Variants in ITPKB observed in about 807,000 individuals in gnomAD.
ITPKB encodes IP3 3-kinase B.
ITPKB carries 13 observed loss-of-function variants against 69.4 expected under a neutral mutation model. That is an observed-to-expected ratio of 0.19 (90% CI 0.12 to 0.30). The LOEUF (loss-of-function observed/expected upper bound fraction) is 0.30. ITPKB is among the 10% of genes least tolerant of loss of function. The pLI is 1.00. For missense variants in ITPKB, 1,240 were observed against 1,250.5 expected (o/e 0.99, Z 0.13); for synonymous variants, 584 against 513.7 (o/e 1.14, Z -1.85).
chr1:226,726,919 C>A (rs928785365), intron 2 of ITPKB, among the ~76,000 whole-genome samples: 1 of 152,164 alleles, frequency 6.6e-6, no homozygotes, highest in African/African-American at 2.4e-5. Context: ...CCAACAAAAT[C>A]TCTTAGCCAT....
chr1:226,636,451 A>G (rs1254584359), intron 7 of ITPKB, among the ~76,000 whole-genome samples: 1 of 152,212 alleles, frequency 6.6e-6, no homozygotes, highest in Non-Finnish European at 1.5e-5. Flanking sequence ...TGACATGCAG[A>G]GCAAGGTAGA....
chr1:226,718,461 G>A (rs1002140622), intron 2 of ITPKB, among the ~76,000 whole-genome samples: 5 of 151,998 alleles, frequency 3.3e-5, no homozygotes, highest in African/African-American at 1.2e-4. Flanking sequence ...TGGGCATGGT[G>A]CTGCATACCT....
chr1:226,700,058 G>T (rs1300649025), intron 2 of ITPKB, among the ~76,000 whole-genome samples: 1 of 152,126 alleles, frequency 6.6e-6, no homozygotes. Flanking sequence ...TTTTCTATCT[G>T]CACTCGCAGC....
At position 226,637,724 on chromosome 1, in the gene ITPKB, G is replaced by T; in HGVS notation, c.2580C>A (p.Ala860=). The T allele has an allele frequency of 6.2e-7, 1 of 1,614,040 alleles. No individual in the cohort carries two copies. The change falls in exon 7 of 8, where the codon GCC becomes GCA. Residue 860 remains alanine (A), a synonymous_variant. Transcript: ENST00000429204. This position sits in a 1 kb window ranked among gnomAD's most constrained non-coding sequence, Gnocchi z 4.3. ...ILIAYRDRLK[A]IRTTLEVSPF... ...GAGAAACTTCTAGAGTGGTTCGAAT[G>T]GCCTTCAGCCGGTCCCGATAGGCGA...
chr1:226,707,096 G>A lies in ITPKB; in HGVS notation c.1932+28431C>T, dbSNP rs1039482949. On this transcript the variant is annotated intron_variant, in intron 2 of 7. Transcript: ENST00000429204. ...ATATGGGCTCTATTTCCAGGCCAGC[G>A]CAATTAAGAACAATTTCACAAGGAA... 1.8e-5 allele frequency: 15 copies of A among 819,050 alleles called. No homozygotes were observed. In the Admixed American group the frequency reaches 1.9e-4, roughly 10 times the overall value. 50.7% of individuals were successfully genotyped at this position (819,050 alleles called of 1,614,324 possible).
At chr1:226,668,886 G>C (rs537744233) in intron 2 of ITPKB, 29 of 152,192 alleles carry the variant, frequency 1.9e-4, no homozygotes, top group African/African-American at 6.7e-4. Flanking sequence ...ATTCATTACT[G>C]CTACAGACCA....
At chr1:226,725,180 A>C (rs1657370665) in intron 2 of ITPKB, among the ~76,000 whole-genome samples, 2 of 152,228 alleles carry the variant, frequency 1.3e-5, no homozygotes, top group African/African-American at 4.8e-5. Context: ...ACAAATTTCC[A>C]ATATGTCTAT....
In ITPKB at chr1:226,634,416, AC is replaced by A. The variant is rs1668785489; in HGVS notation, c.*254del. Reference sequence around the variant, plus strand: ...AGCCAGGGACCCCCTCCAGCTCTACACCTGACCCACCTCTAAGACTGGGCAT... The same window carrying A: ...AGCCAGGGACCCCCTCCAGCTCTACACTGACCCACCTCTAAGACTGGGCAT... On this transcript the variant is annotated 3_prime_UTR_variant, in exon 8 of 8. Transcript: ENST00000429204. The surrounding 1 kb of genome is among the most constrained non-coding windows in gnomAD (Gnocchi z 6.3). 2.0e-6 allele frequency: 1 copy of A among 495,650 alleles called. No homozygotes were observed. The highest frequency in any genetic ancestry group is 1.9e-5 in the African/African-American group (1 of 51,570). 30.7% of individuals were successfully genotyped at this position (495,650 alleles called of 1,614,324 possible). A position where few individuals can be genotyped will look rare whatever the true frequency, so the allele number is the denominator to read the frequency against.
chr1:226,702,489 T>G (rs1454207186), intron 2 of ITPKB, among the ~76,000 whole-genome samples: 1 of 152,038 alleles, frequency 6.6e-6, no homozygotes, highest in Non-Finnish European at 1.5e-5. Flanking sequence ...TCTGCAGCGC[T>G]GCCTATCCTC....
chr1:226,724,178 C>T (rs1049082199), intron 2 of ITPKB, among the ~76,000 whole-genome samples: 5 of 152,142 alleles, frequency 3.3e-5, no homozygotes, highest in Admixed American at 6.5e-5. Context: ...GTTCAGCCCA[C>T]GCCAAGGTCT....
intron 2 of ITPKB, among the ~76,000 whole-genome samples, chr1:226,711,440 AGAGT>A (rs762370824): frequency 0.16 from 14,878 of 94,206 alleles, 580 homozygotes; most frequent in East Asian, 0.23. Context: ...AGAGAGAGAG[AGAGT>A]GTGTGTGTGT....
intron 2 of ITPKB, among the ~76,000 whole-genome samples, chr1:226,673,686 T>C (rs1032626801): frequency 6.6e-5 from 10 of 152,244 alleles, no homozygotes; most frequent in East Asian, 3.8e-4. Context: ...TAGCTATAGA[T>C]TGATATGTAC....
At chr1:226,686,580 T>C (rs1020931383) in intron 2 of ITPKB, among the ~76,000 whole-genome samples, 1 of 152,170 alleles carries the variant, frequency 6.6e-6, no homozygotes, top group African/African-American at 2.4e-5. Context: ...TGCGTCAGCG[T>C]GCGGTGTAAC....
intron 2 of ITPKB, among the ~76,000 whole-genome samples, chr1:226,671,234 T>C (rs1014473863): frequency 6.6e-6 from 1 of 152,008 alleles, no homozygotes; most frequent in African/African-American, 2.4e-5. Context: ...ACTCCTAGGG[T>C]GGAGGCGCCT....
chr1:226,637,950 C>T lies in ITPKB; in HGVS notation c.2554-200G>A, dbSNP rs1300077520. 1.3e-5 allele frequency among the ~76,000 whole-genome samples: 2 copies of T among 152,216 alleles called. No individual in the cohort carries two copies. The highest frequency in any genetic ancestry group is 2.9e-5 in the Non-Finnish European group (2 of 68,042). On this transcript the variant is annotated intron_variant, in intron 6 of 7. Coordinates refer to ENST00000429204, the MANE Select transcript of ITPKB (RefSeq NM_002221.4). The surrounding 1 kb of genome is among the most constrained non-coding windows in gnomAD (Gnocchi z 4.3). The stretch of plus-strand genomic sequence containing the variant: ...TCAGTACCTTTGACTTTTGAAAGGA[C>T]AGGGTAAGAGAGAGAACCACAAATA...
intron 2 of ITPKB, among the ~76,000 whole-genome samples, chr1:226,727,701 GGTA>G (rs1657466708): frequency 1.3e-5 from 2 of 152,238 alleles, no homozygotes; most frequent in African/African-American, 4.8e-5. Flanking sequence ...AAAAGCCAGA[GGTA>G]AAAGCACCTC....
At chr1:226,636,851 G>A (rs1668850410) in intron 7 of ITPKB, among the ~76,000 whole-genome samples, 1 of 152,018 alleles carries the variant, frequency 6.6e-6, no homozygotes, top group South Asian at 2.1e-4. Flanking sequence ...AAAAATGTGT[G>A]TGGATATATG....
In ITPKB at chr1:226,737,253, G is replaced by A. The variant is rs535597209; in HGVS notation, c.206C>T (p.Pro69Leu). Residue 69 changes from proline to leucine, a missense_variant, in exon 2 of 8, where the codon CCC becomes CTC. Pro to Leu is a moderately conservative substitution (Grantham distance 98). Transcript: ENST00000429204. ...PPAESLSPEE[P>L]RSPGGWRSGR... ...GCTCCGCCAGCCCCCGGGGCTCCGG[G>A]GCTCCTCGGGGGACAGCGACTCGGC... 2 of 1,553,932 alleles carry A rather than the reference G, an allele frequency of 1.3e-6. No individual in the cohort carries two copies. Among genetic ancestry groups the A allele is most frequent in the African/African-American group, 1.4e-5 (1 of 73,538 alleles).
At chr1:226,715,652 C>G (rs1236675147) in intron 2 of ITPKB, among the ~76,000 whole-genome samples, 2 of 152,164 alleles carry the variant, frequency 1.3e-5, no homozygotes, top group African/African-American at 4.8e-5. Context: ...AGGAATGTAA[C>G]AAGAGGTTTT....
Sources: gnomAD v4.1 joint callset for allele counts (sites outside exome capture counted in the v4.1 genomes callset) on GRCh38, gnomAD v4.1.1 for gene constraint, Gnocchi (gnomAD v3.1) non-coding constraint, MANE v1.5 for transcripts, NCBI Gene and HGNC (gene_info 2026-07-23, HGNC 2026-07-21) for gene names.